PLD1: variants seen among roughly 807,000 people sequenced by gnomAD.
PLD1 encodes the protein choline phosphatase 1.
A neutral mutation model predicts 137.1 loss-of-function variants in PLD1; 112 were observed. The ratio of observed to expected loss-of-function variants is 0.82; its 90% CI spans 0.70 to 0.96. The LOEUF is 0.96. Ranked by LOEUF, PLD1 falls within the 40% of genes least tolerant of loss-of-function variation. The pLI, the probability that PLD1 is intolerant of heterozygous loss-of-function variation, is 0.00. For synonymous variants in PLD1, 431 were observed against 454.7 expected, an observed-to-expected ratio of 0.95 and a Z score of 0.66; for missense variants, 1,321 against 1,342.0, an observed-to-expected ratio of 0.98 and a Z score of 0.24.
rs1408074902 is a variant in PLD1 at position 171,611,520 on chromosome 3, G to A, written c.2882+759C>T. On this transcript the variant is annotated intron_variant, in intron 25 of 26. Transcript: ENST00000351298. ...TGGACTTATTTAGGATCGCACAGCT[G>A]AAACGAGCCCAGCTTCCTAGCCCAG... 31 of 503,450 alleles carry A rather than the reference G, an allele frequency of 6.2e-5. 1 individual carries two copies. The highest frequency in any genetic ancestry group is 7.1e-5 in the Non-Finnish European group (18 of 252,734). 31.2% of individuals were successfully genotyped at this position (503,450 alleles called of 1,614,324 possible).
intron 5 of PLD1, 71 bp downstream of exon 5, chr3:171,734,794 C>G: frequency 1.1e-6 from 1 of 901,380 alleles, no homozygotes. Flanking sequence ...TACTTCACCC[C>G]TCAGTAGATG....
intron 26 of PLD1, among the ~76,000 whole-genome samples, chr3:171,604,471 T>TGAA (rs1732053661): frequency 6.6e-6 from 1 of 152,124 alleles, no homozygotes; most frequent in East Asian, 1.9e-4. Context: ...GGTTCACGTC[T>TGAA]GTCCCTGGAA....
At chr3:171,693,175 A>G (rs1715365229) in intron 12 of PLD1, among the ~76,000 whole-genome samples, 1 of 152,236 alleles carries the variant, frequency 6.6e-6, no homozygotes, top group African/African-American at 2.4e-5. Context: ...TAATACAATT[A>G]TTTAACAATA....
intron 1 of PLD1, among the ~76,000 whole-genome samples, 154 bp downstream of exon 1, chr3:171,810,245 G>A (rs1458558317): frequency 1.3e-5 from 2 of 152,244 alleles, no homozygotes; most frequent in African/African-American, 4.8e-5. Flanking sequence ...GATCGCTAGG[G>A]AGTCCGCCGC....
chr3:171,711,071 C>G (rs1425901551), intron 9 of PLD1, among the ~76,000 whole-genome samples: 1 of 150,766 alleles, frequency 6.6e-6, no homozygotes. Context: ...CGGGGTTTCT[C>G]CATGTTAGGC....
chr3:171,611,781 C>G (rs1184307744), intron 25 of PLD1: 2 of 380,696 alleles, frequency 5.3e-6, no homozygotes, highest in African/African-American at 4.2e-5. Context: ...CTGGTCTAGT[C>G]CTAATTCAGT....
chr3:171,740,580 T>C lies in PLD1; in HGVS notation c.-31-2498A>G, dbSNP rs181139087. On this transcript the variant is annotated intron_variant, in intron 1 of 26. Coordinates refer to ENST00000351298, the MANE Select transcript of PLD1 (RefSeq NM_002662.5). Reference sequence around the variant, plus strand: ...TCCAAATAACCTTCCTTTTGAACTATGTGCTGATCTTAAAAATGCCTGTTA... The same window carrying C: ...TCCAAATAACCTTCCTTTTGAACTACGTGCTGATCTTAAAAATGCCTGTTA... 5.6e-4 allele frequency among the ~76,000 whole-genome samples: 85 copies of C among 152,302 alleles called. 1 individual carries two copies. Among genetic ancestry groups the C allele is most frequent in the Admixed American group, 7.2e-4 (11 of 15,302 alleles).
intron 19 of PLD1, among the ~76,000 whole-genome samples, chr3:171,664,276 A>C (rs1471196825): frequency 6.6e-6 from 1 of 152,222 alleles, no homozygotes; most frequent in Admixed American, 6.5e-5. Context: ...CAAAGGTTGA[A>C]GAAATAGAAG....
chr3:171,725,769 T>G (rs1718457558), intron 7 of PLD1, among the ~76,000 whole-genome samples: 1 of 152,230 alleles, frequency 6.6e-6, no homozygotes, highest in African/African-American at 2.4e-5. Flanking sequence ...ATTGAACACT[T>G]CCACTGTTGG....
At chr3:171,616,200 T>C (rs1222048289) in intron 24 of PLD1, among the ~76,000 whole-genome samples, 4 of 152,236 alleles carry the variant, frequency 2.6e-5, no homozygotes, top group Non-Finnish European at 4.4e-5. Flanking sequence ...GAGTTCTTTA[T>C]GTGTTCTGTG....
chr3:171,726,984 G>A (rs917613690), intron 6 of PLD1, among the ~76,000 whole-genome samples: 2 of 152,218 alleles, frequency 1.3e-5, no homozygotes, highest in East Asian at 1.9e-4. Context: ...GTTGTAGCAC[G>A]GAAATAGCCA....
chr3:171,709,982 G>T (rs942116852), intron 9 of PLD1, among the ~76,000 whole-genome samples: 1 of 152,204 alleles, frequency 6.6e-6, no homozygotes, highest in Non-Finnish European at 1.5e-5. Context: ...GGAGGATAAA[G>T]AAAGAGGGGT....
At chr3:171,776,254 TG>T (rs1051223396) in intron 1 of PLD1, among the ~76,000 whole-genome samples, 26 of 152,238 alleles carry the variant, frequency 1.7e-4, no homozygotes, top group African/African-American at 6.0e-4. Flanking sequence ...GCTGTAGTCA[TG>T]GGCACAGAAG....
chr3:171,724,089 T>C (rs192879796), intron 8 of PLD1, among the ~76,000 whole-genome samples: 1 of 152,364 alleles, frequency 6.6e-6, no homozygotes, highest in East Asian at 1.9e-4. Context: ...ATAATACTGC[T>C]ATTATAATAC....
rs142094066 is a variant in PLD1, at chr3:171,710,572, T to C, written c.912-863A>G. 3.3e-4 allele frequency among the ~76,000 whole-genome samples: 51 copies of C among 152,260 alleles called. 1 individual carries two copies. Among genetic ancestry groups the C allele is most frequent in the Admixed American group, 2.0e-4 (3 of 15,302 alleles). ...GATCTGACAGAAGGCGGAACTCAGG[T>C]GGTAATGCTCCCTCGCCCACTGCTC... On this transcript the variant is annotated intron_variant, in intron 9 of 26. Transcript: ENST00000351298.
intron 23 of PLD1, among the ~76,000 whole-genome samples, chr3:171,621,578 A>T (rs911875769): frequency 5.3e-5 from 8 of 152,182 alleles, no homozygotes; most frequent in African/African-American, 2.4e-5. Context: ...AAAGAAATTC[A>T]TTCATAGGTT....
intron 1 of PLD1, among the ~76,000 whole-genome samples, chr3:171,768,354 A>G (rs1190822830): frequency 6.6e-6 from 1 of 152,230 alleles, no homozygotes; most frequent in Non-Finnish European, 1.5e-5. Context: ...GGCAAGAACC[A>G]GGAGGTTAGG....
intron 1 of PLD1, among the ~76,000 whole-genome samples, chr3:171,780,097 T>C (rs1248968635): frequency 6.9e-6 from 1 of 144,900 alleles, no homozygotes; most frequent in African/African-American, 2.7e-5. Flanking sequence ...CTGGGGTTTA[T>C]ATACATAAGT....
In PLD1 at chr3:171,735,613, T is replaced by C. The variant is rs377248314; in HGVS notation, c.313A>G (p.Ile105Val). Reference sequence around the variant, plus strand: ...TTAAATTCCCCATGTGTTAATTCAATAGTGTAAAGATTAATACTTGGTACC... The same window carrying C: ...TTAAATTCCCCATGTGTTAATTCAACAGTGTAAAGATTAATACTTGGTACC... Reference protein sequence around the residue: ...TRVPSINLYTIELTHGEFKWQ... With the variant: ...TRVPSINLYTVELTHGEFKWQ... The change falls in exon 4 of 27, where the codon ATT becomes GTT. Residue 105 changes from isoleucine (I) to valine (V), a missense_variant. Ile to Val is a conservative substitution (Grantham distance 29). Coordinates refer to ENST00000351298, the MANE Select transcript of PLD1 (RefSeq NM_002662.5). The C allele has an allele frequency of 1.1e-4, 167 of 1,538,804 alleles. No individual in the cohort carries two copies. The highest frequency in any genetic ancestry group is 1.5e-4 in the Non-Finnish European group (164 of 1,111,572).
Sources: gnomAD v4.1 joint callset for allele counts (sites outside exome capture counted in the v4.1 genomes callset) on GRCh38, gnomAD v4.1.1 for gene constraint, MANE v1.5 for transcripts, NCBI Gene and HGNC (gene_info 2026-07-23, HGNC 2026-07-21) for gene names.